KCNH7: variants seen among roughly 807,000 people sequenced by gnomAD.
KCNH7 encodes the protein potassium voltage-gated channel subfamily H member 7.
A neutral mutation model predicts 120.8 loss-of-function variants in KCNH7; 49 were observed. The observed-to-expected ratio is 0.41, with a 90% CI of 0.32 to 0.51. The LOEUF (loss-of-function observed/expected upper bound fraction) is 0.51, where lower values mean the gene tolerates loss of function less well. Among genes scored for constraint, KCNH7 ranks in the 20% least tolerant of loss-of-function variants. The pLI, the probability that KCNH7 is intolerant of heterozygous loss-of-function variation, is 0.38. For missense variants in KCNH7, 1,097 were observed against 1,446.6 expected (o/e 0.76, Z 3.92); for synonymous variants, 547 against 516.1 (o/e 1.06, Z -0.81).
chr2:162,530,145 C>T (rs1052825481), intron 3 of KCNH7, among the ~76,000 whole-genome samples: 1 of 151,832 alleles, frequency 6.6e-6, no homozygotes, highest in African/African-American at 2.4e-5. Flanking sequence ...AATGATCCAC[C>T]ACTTAATTCT....
intron 2 of KCNH7, among the ~76,000 whole-genome samples, chr2:162,549,870 C>T (rs544353341): frequency 6.6e-5 from 10 of 152,258 alleles, no homozygotes; most frequent in Admixed American, 5.2e-4. Context: ...CTTGTAACAT[C>T]ACTAGGAAAA....
chr2:162,541,011 T>G (rs13422156), intron 2 of KCNH7, among the ~76,000 whole-genome samples: 41,812 of 151,870 alleles, frequency 0.28, 10,133 homozygotes, highest in African/African-American at 0.63. Flanking sequence ...TAATGAGAGG[T>G]GTCCAAGTTG....
rs111296252 is a variant in KCNH7, at chr2:162,723,951, A to G, written c.307+112586T>C. On this transcript the variant is annotated intron_variant, in intron 2 of 15. Coordinates refer to ENST00000332142, the MANE Select transcript of KCNH7 (RefSeq NM_033272.4). Reference sequence around the variant, plus strand: ...CTGGGAAGATGAATTTGACAATAAAATTATTGGTTGAAAGAGTTAGAATGA... The same window carrying G: ...CTGGGAAGATGAATTTGACAATAAAGTTATTGGTTGAAAGAGTTAGAATGA... Among the ~76,000 whole-genome samples, 245 of 152,342 alleles carry G rather than the reference A, an allele frequency of 1.6e-3. 2 individuals are homozygous for G. The highest frequency in any genetic ancestry group is 5.2e-3 in the African/African-American group (217 of 41,576).
At chr2:162,540,204 T>G (rs1692256323) in intron 2 of KCNH7, among the ~76,000 whole-genome samples, 1 of 144,098 alleles carries the variant, frequency 6.9e-6, no homozygotes, top group Non-Finnish European at 1.5e-5. Flanking sequence ...TAATGTTTGT[T>G]AAGAAGCAGA....
At chr2:162,766,018 A>G (rs891895230) in intron 2 of KCNH7, among the ~76,000 whole-genome samples, 2 of 151,658 alleles carry the variant, frequency 1.3e-5, no homozygotes, top group Non-Finnish European at 2.9e-5. Flanking sequence ...CAGCTTCCTC[A>G]GTAGCTGGGA....
At position 162,714,488 on chromosome 2, in the gene KCNH7, C is replaced by T. The variant is rs558726508; in HGVS notation, c.307+122049G>A. ...AAGTCACATGTAATAGCAGTCCTAA[C>T]CCTTCCAAATATTCACTGAAGGATC... On this transcript the variant is annotated intron_variant, in intron 2 of 15. Coordinates refer to ENST00000332142, the MANE Select transcript of KCNH7 (RefSeq NM_033272.4). Among the ~76,000 whole-genome samples, 16 of 152,286 alleles carry T rather than the reference C, an allele frequency of 1.1e-4. No homozygotes were observed. In the South Asian group the frequency reaches 3.3e-3, roughly 32 times the overall value.
intron 2 of KCNH7, among the ~76,000 whole-genome samples, chr2:162,717,282 T>C (rs1445684849): frequency 6.6e-6 from 1 of 152,144 alleles, no homozygotes; most frequent in Non-Finnish European, 1.5e-5. Context: ...TATGAGACAT[T>C]ACTACTGCTT....
At chr2:162,802,828 T>C (rs558734945) in intron 2 of KCNH7, among the ~76,000 whole-genome samples, 8 of 151,906 alleles carry the variant, frequency 5.3e-5, no homozygotes, top group Non-Finnish European at 8.9e-5. Context: ...AATTAAGATG[T>C]CTAAGAAAAA....
intron 3 of KCNH7, among the ~76,000 whole-genome samples, chr2:162,519,309 A>C (rs1691434587): frequency 6.6e-6 from 1 of 151,866 alleles, no homozygotes; most frequent in Non-Finnish European, 1.5e-5. Flanking sequence ...TGGCATTTTT[A>C]TTATTTGGAA....
At chr2:162,750,973 A>G (rs1253149161) in intron 2 of KCNH7, among the ~76,000 whole-genome samples, 1 of 152,114 alleles carries the variant, frequency 6.6e-6, no homozygotes, top group Non-Finnish European at 1.5e-5. Context: ...TCCCCCTCTG[A>G]ATTTGCCAAG....
intron 2 of KCNH7, among the ~76,000 whole-genome samples, chr2:162,576,325 A>C (rs1693669051): frequency 6.6e-6 from 1 of 152,202 alleles, no homozygotes; most frequent in Middle Eastern, 3.4e-3. Context: ...TTTGCCGGTC[A>C]TATCACCTTT....
intron 2 of KCNH7, among the ~76,000 whole-genome samples, chr2:162,776,201 A>T (rs536962852): frequency 5.9e-5 from 9 of 152,264 alleles, no homozygotes; most frequent in African/African-American, 2.2e-4. Context: ...AATATAAATG[A>T]TCCCTTCCTA....
intron 2 of KCNH7, among the ~76,000 whole-genome samples, chr2:162,589,886 G>T (rs374277706): frequency 6.6e-6 from 1 of 152,020 alleles, no homozygotes; most frequent in Non-Finnish European, 1.5e-5. Context: ...CCATGGGTAC[G>T]TATGTTCCCT....
intron 2 of KCNH7, among the ~76,000 whole-genome samples, chr2:162,769,371 A>G (rs1364523504): frequency 6.6e-6 from 1 of 152,176 alleles, no homozygotes; most frequent in Non-Finnish European, 1.5e-5. Context: ...ATACTAATTA[A>G]TTCCTCTAAT....
chr2:162,726,826 T>C (rs1205525203), intron 2 of KCNH7, among the ~76,000 whole-genome samples: 1 of 152,172 alleles, frequency 6.6e-6, no homozygotes, highest in Non-Finnish European at 1.5e-5. Flanking sequence ...AATAGTTTCC[T>C]TACTTTCTGA....
chr2:162,807,759 T>A (rs1373629555), intron 2 of KCNH7, among the ~76,000 whole-genome samples: 2 of 151,790 alleles, frequency 1.3e-5, no homozygotes, highest in African/African-American at 4.8e-5. Context: ...CTCGGCTCAC[T>A]GCAACCTCCG....
intron 2 of KCNH7, among the ~76,000 whole-genome samples, chr2:162,791,604 T>G (rs760234173): frequency 1.4e-4 from 21 of 152,132 alleles, no homozygotes; most frequent in Non-Finnish European, 2.5e-4. Flanking sequence ...TGTATAGGAA[T>G]GCTAGTGATT....
At chr2:162,766,789 A>G (rs1682828553) in intron 2 of KCNH7, among the ~76,000 whole-genome samples, 1 of 151,912 alleles carries the variant, frequency 6.6e-6, no homozygotes, top group African/African-American at 2.4e-5. Flanking sequence ...AAACTGAGCT[A>G]CTTCTCCAGA....
At chr2:162,778,941 A>C (rs1683362108) in intron 2 of KCNH7, among the ~76,000 whole-genome samples, 1 of 130,836 alleles carries the variant, frequency 7.6e-6, no homozygotes, top group Admixed American at 7.6e-5. Context: ...GGAGAGGAAC[A>C]AATTCTTTTT....
Sources: gnomAD v4.1 joint callset for allele counts (sites outside exome capture counted in the v4.1 genomes callset) on GRCh38, gnomAD v4.1.1 for gene constraint, MANE v1.5 for transcripts, NCBI Gene and HGNC (gene_info 2026-07-23, HGNC 2026-07-21) for gene names.